Variants in PON1 observed in about 807,000 individuals in gnomAD.
PON1 encodes the protein paraoxonase 1.
In PON1, 37 loss-of-function variants were observed where a neutral mutation model predicts 39.2. The observed-to-expected ratio is 0.94, with a 90% CI of 0.73 to 1.24. PON1 has a LOEUF of 1.24. Ranked by LOEUF, PON1 falls within the 50% of genes most tolerant of loss-of-function variation. The pLI, the probability that PON1 is intolerant of heterozygous loss-of-function variation, is 0.00. For missense variants in PON1, 397 were observed against 413.5 expected (o/e 0.96, Z 0.35); for synonymous variants, 148 against 152.2 (o/e 0.97, Z 0.21).
chr7:95,322,271 T>TTATATA (rs3046669), intron 1 of PON1, among the ~76,000 whole-genome samples: 9 of 146,574 alleles, frequency 6.1e-5, no homozygotes, highest in Admixed American at 2.7e-4. Context: ...TGCCTGATTT[T>TTATATA]TATATATATA....
intron 5 of PON1, among the ~76,000 whole-genome samples, 156 bp from the exon 6 acceptor site, chr7:95,308,367 C>A (rs1173468046): frequency 1.5e-5 from 2 of 133,114 alleles, no homozygotes; most frequent in Non-Finnish European, 3.1e-5. Flanking sequence ...TGAAATTAGT[C>A]CTGCCGATAC....
intron 8 of PON1, among the ~76,000 whole-genome samples, chr7:95,301,671 C>T (rs1049406264): frequency 5.9e-5 from 9 of 152,178 alleles, no homozygotes; most frequent in African/African-American, 2.2e-4. Flanking sequence ...AAACTCCCCT[C>T]AAATTATCCA....
intron 1 of PON1, among the ~76,000 whole-genome samples, chr7:95,321,448 C>G (rs1563601639): frequency 1.3e-5 from 2 of 152,252 alleles, no homozygotes; most frequent in Non-Finnish European, 2.9e-5. Flanking sequence ...TTTTCTGCTA[C>G]TACACACGCC....
chr7:95,298,733 T>C lies in PON1; in HGVS notation c.*211A>G. 1 of 616,694 alleles carries C rather than the reference T, an allele frequency of 1.6e-6. No individual in the cohort carries two copies. The highest frequency in any genetic ancestry group is 2.8e-5 in the East Asian group (1 of 35,700). The allele number at this position is 616,694 out of a possible 1,614,324, so 38.2% of individuals were successfully genotyped here. A position where few individuals can be genotyped will look rare whatever the true frequency, so the allele number is the denominator to read the frequency against. ...AAGGATTTTTATGGTAAATGAGGTT[T>C]TCAAGTATTCCAAGACTGATTTGAT... On this transcript the variant is annotated 3_prime_UTR_variant, in exon 9 of 9. Transcript: ENST00000222381.
Position 95,311,407 on chromosome 7 carries a change from C to T in PON1, c.497+44G>A, listed in dbSNP as rs1269650607. 5 of 1,610,444 alleles carry T rather than the reference C, an allele frequency of 3.1e-6. No individual in the cohort carries two copies. In the Admixed American group the frequency reaches 8.3e-5, roughly 27 times the overall value. On this transcript the variant is annotated intron_variant, in intron 5 of 8. Coordinates refer to ENST00000222381, the MANE Select transcript of PON1 (RefSeq NM_000446.7). ...GAAAAACTAAAAGTGGATTAACTAT[C>T]CGCTACAGCTAAAGGAAAATAGAAA... is the stretch of plus-strand genomic sequence containing the variant.
chr7:95,316,763 G>T lies in PON1; in HGVS notation c.172C>A (p.Leu58Met). ...IETGSEDLEI[L>M]PNGLAFISSG... Reference sequence around the variant, plus strand: ...CTAATGAAAGCCAGTCCATTAGGCAGTATCTCCAAGTCTTCAGAGCCAGTT... The same window carrying T: ...CTAATGAAAGCCAGTCCATTAGGCATTATCTCCAAGTCTTCAGAGCCAGTT... Residue 58 changes from leucine (L) to methionine (M), a missense_variant, in exon 3 of 9, where the codon CTG becomes ATG. Leu to Met is a conservative substitution (Grantham distance 15). Transcript: ENST00000222381. The T allele has an allele frequency of 6.2e-7, 1 of 1,613,532 alleles. No homozygotes were observed.
intron 5 of PON1, among the ~76,000 whole-genome samples, chr7:95,310,548 T>C (rs1315185559): frequency 3.9e-5 from 6 of 152,198 alleles, no homozygotes; most frequent in Non-Finnish European, 7.3e-5. Flanking sequence ...AGTGAGTTGA[T>C]TGGCCTTCAT....
intron 4 of PON1, among the ~76,000 whole-genome samples, chr7:95,312,046 T>C (rs980251986): frequency 2.0e-5 from 3 of 152,120 alleles, no homozygotes; most frequent in Non-Finnish European, 2.9e-5. Flanking sequence ...CTTGGATAAG[T>C]GGGACTTTAA....
At position 95,319,393 on chromosome 7, in the gene PON1, A is replaced by G. The variant is rs147809667; in HGVS notation, c.75-1000T>C. On this transcript the variant is annotated intron_variant, in intron 1 of 8. Transcript: ENST00000222381. The stretch of plus-strand genomic sequence containing the variant: ...TTTATTCATTCAGAAAAAAATGAGT[A>G]CATTCCTACCATCAGGCCACTGGCT... Among the ~76,000 whole-genome samples the G allele has an allele frequency of 4.4e-3, 667 of 152,318 alleles. 12 individuals are homozygous for G. The South Asian group carries it at 0.052, about 12-fold the overall frequency.
chr7:95,318,355 T>C lies in PON1; in HGVS notation c.113A>G (p.Glu38Gly), dbSNP rs762087638. 2.5e-6 allele frequency: 4 copies of C among 1,610,596 alleles called. No homozygotes were observed. Among genetic ancestry groups the C allele is most frequent in the Non-Finnish European group, 3.4e-6 (4 of 1,176,832 alleles). The change falls in exon 2 of 9, where the codon GAA (glutamate) becomes GGA (glycine). Residue 38 changes from glutamate to glycine, a missense_variant. Transcript: ENST00000222381. ...TTTAACTAAATTACAGTTAGGAAGT[T>C]CTACGGGTTGTACCTCTCGGAGAGC... is the stretch of plus-strand genomic sequence containing the variant. Reference protein sequence around the residue: ...LNALREVQPVELPNCNLVKGI... With the variant: ...LNALREVQPVGLPNCNLVKGI...
At chr7:95,323,292 A>G (rs1807940837) in intron 1 of PON1, among the ~76,000 whole-genome samples, 1 of 152,118 alleles carries the variant, frequency 6.6e-6, no homozygotes, top group Non-Finnish European at 1.5e-5. Flanking sequence ...TTTTATCTAT[A>G]CCTATAATCT....
Position 95,311,493 on chromosome 7 carries a change from G to C in PON1, c.455C>G (p.Ser152Trp). ...ELFKFQEEEK[S>W]LLHLKTIRHK... is the part of the protein sequence containing the mutation. ...TCTGATGGTTTTTAGATGCAAAAGCGATTTTTCTTCTTCTTGAAATTTAAA... is the reference window on the plus strand; with the variant it reads ...TCTGATGGTTTTTAGATGCAAAAGCCATTTTTCTTCTTCTTGAAATTTAAA... Residue 152 changes from serine (S) to tryptophan (W), a missense_variant, in exon 5 of 9, where the codon TCG becomes TGG. Ser to Trp is a radical substitution (Grantham distance 177). Coordinates refer to ENST00000222381, the MANE Select transcript of PON1 (RefSeq NM_000446.7). 1 of 1,611,496 alleles carries C rather than the reference G, an allele frequency of 6.2e-7. No homozygotes were observed. The highest frequency in any genetic ancestry group is 8.5e-7 in the Non-Finnish European group (1 of 1,178,502).
At chr7:95,318,444 A>T (rs773603830) in intron 1 of PON1, 51 bp from the exon 2 acceptor site, 1 of 1,503,616 alleles carries the variant, frequency 6.7e-7, no homozygotes, top group South Asian at 1.1e-5. Flanking sequence ...AGAAATTATA[A>T]TAAGTTGCAA....
Position 95,308,027 on chromosome 7 carries a change from T to C in PON1, c.682A>G (p.Ile228Val), listed in dbSNP as rs750607463. The change falls in exon 6 of 9, where the codon ATT (isoleucine) becomes GTT (valine). Residue 228 changes from isoleucine (I) to valine (V), a missense_variant. By Grantham distance (29) the Ile-to-Val change is conservative (BLOSUM62 3). Coordinates refer to ENST00000222381, the MANE Select transcript of PON1 (RefSeq NM_000446.7). ...EGFDFANGIN[I>V]SPDGKYVYIA... ...TTCACATACTTGCCATCGGGTGAAATGTTGATTCCATTAGCAAAATCAAAT... is the reference window on the plus strand; with the variant it reads ...TTCACATACTTGCCATCGGGTGAAACGTTGATTCCATTAGCAAAATCAAAT... 1 of 1,613,956 alleles carries C rather than the reference T, an allele frequency of 6.2e-7. No homozygotes were observed. Among genetic ancestry groups the C allele is most frequent in the South Asian group, 1.1e-5 (1 of 91,074 alleles).
intron 2 of PON1, 69 bp downstream of exon 2, chr7:95,318,254 A>G: frequency 7.8e-7 from 1 of 1,286,110 alleles, no homozygotes; most frequent in Non-Finnish European, 1.1e-6. Context: ...GAACAGGCAC[A>G]TTAATCACAC....
intron 1 of PON1, 190 bp from the exon 2 acceptor site, chr7:95,318,583 T>G: frequency 1.8e-6 from 1 of 561,830 alleles, no homozygotes. Flanking sequence ...CAATATTTAG[T>G]TTTTATTTAG....
At position 95,302,075 on chromosome 7, in the gene PON1, C is replaced by T. The variant is rs7809060; in HGVS notation, c.909+130G>A. The T allele has an allele frequency of 0.062, 57,176 of 923,172 alleles. 3,190 individuals are homozygous for T. The highest frequency in any genetic ancestry group is 0.17 in the African/African-American group (8,053 of 48,024). The allele number at this position is 923,172 out of a possible 1,614,324, so 57.2% of individuals were successfully genotyped here. A position where few individuals can be genotyped will look rare whatever the true frequency, so the allele number is the denominator to read the frequency against. On this transcript the variant is annotated intron_variant, in intron 8 of 8. Coordinates refer to ENST00000222381, the MANE Select transcript of PON1 (RefSeq NM_000446.7). The stretch of plus-strand genomic sequence containing the variant: ...TTGCGCCACTGCACTCCAGCCTGGG[C>T]GACAGAGCGATACTCTGTCACAAAA...
chr7:95,319,924 A>G (rs886123229), intron 1 of PON1, among the ~76,000 whole-genome samples: 2 of 152,198 alleles, frequency 1.3e-5, no homozygotes, highest in African/African-American at 4.8e-5. Flanking sequence ...TTTCTGTTCA[A>G]TTCTGTTTTA....
At chr7:95,320,953 T>C (rs1000459805) in intron 1 of PON1, among the ~76,000 whole-genome samples, 23 of 152,138 alleles carry the variant, frequency 1.5e-4, no homozygotes, top group African/African-American at 4.6e-4. Context: ...AAGCAACTGA[T>C]AAAGAAAAAA....
Sources: allele counts gnomAD v4.1 joint callset (sites outside exome capture counted in the v4.1 genomes callset), GRCh38; gene constraint gnomAD v4.1.1; transcripts MANE v1.5; gene names NCBI Gene and HGNC (gene_info 2026-07-23, HGNC 2026-07-21).